The following CTNND2 variants were observed in gnomAD, a reference collection of about 807,000 sequenced individuals.
CTNND2 encodes catenin delta-2.
CTNND2 carries 22 observed loss-of-function variants against 144.4 expected under a neutral mutation model. That is an observed-to-expected ratio of 0.15 (90% CI 0.11 to 0.22). The LOEUF (loss-of-function observed/expected upper bound fraction) is 0.22. CTNND2 is among the 10% of genes least tolerant of loss of function. The pLI is 1.00. For missense variants in CTNND2, 1,353 were observed against 1,618.8 expected (o/e 0.84, Z 2.82); for synonymous variants, 751 against 695.6 (o/e 1.08, Z -1.25).
At chr5:11,656,518 T>C (rs1386780577) in intron 2 of CTNND2, among the ~76,000 whole-genome samples, 4 of 152,086 alleles carry the variant, frequency 2.6e-5, no homozygotes, top group Non-Finnish European at 4.4e-5. Context: ...AGATTCTCTC[T>C]GTCAGTCACG....
intron 2 of CTNND2, among the ~76,000 whole-genome samples, chr5:11,579,947 C>T (rs1469282194): frequency 6.6e-6 from 1 of 152,166 alleles, no homozygotes; most frequent in Admixed American, 6.5e-5. Flanking sequence ...TTTTCCCAAA[C>T]AATTTTCCCT....
intron 9 of CTNND2, among the ~76,000 whole-genome samples, chr5:11,292,458 T>C (rs1188034103): frequency 7.2e-6 from 1 of 137,950 alleles, no homozygotes; most frequent in African/African-American, 2.6e-5. Context: ...ATAATCCCCA[T>C]GTGTGGAGGG....
At chr5:11,269,405 T>G (rs954162943) in intron 9 of CTNND2, among the ~76,000 whole-genome samples, 4 of 152,166 alleles carry the variant, frequency 2.6e-5, no homozygotes, top group African/African-American at 9.6e-5. Context: ...GAAAATAGTT[T>G]CCTCTGATTT....
At chr5:11,026,393 T>A (rs889835428) in intron 16 of CTNND2, among the ~76,000 whole-genome samples, 5 of 142,420 alleles carry the variant, frequency 3.5e-5, no homozygotes, top group African/African-American at 1.3e-4. Flanking sequence ...AGTCTCACTC[T>A]GTTGTCCAGG....
At chr5:11,679,819 CTG>C (rs1784344828) in intron 2 of CTNND2, among the ~76,000 whole-genome samples, 1 of 152,194 alleles carries the variant, frequency 6.6e-6, no homozygotes, top group African/African-American at 2.4e-5. Flanking sequence ...ACTCATAAAA[CTG>C]AGGAATGACA....
chr5:11,356,693 G>T (rs923524906), intron 8 of CTNND2, among the ~76,000 whole-genome samples: 4 of 151,572 alleles, frequency 2.6e-5, no homozygotes, highest in African/African-American at 9.7e-5. Context: ...AAAAATAGAC[G>T]AATTAATACT....
chr5:11,608,440 C>T (rs917638562), intron 2 of CTNND2, among the ~76,000 whole-genome samples: 1 of 152,166 alleles, frequency 6.6e-6, no homozygotes, highest in African/African-American at 2.4e-5. Flanking sequence ...CATTCCACCA[C>T]TCTCCACCTT....
At chr5:11,443,310 G>T (rs906860061) in intron 3 of CTNND2, among the ~76,000 whole-genome samples, 1 of 90,710 alleles carries the variant, frequency 1.1e-5, no homozygotes, top group Admixed American at 1.4e-4. Context: ...GCATGTGTGT[G>T]GTGTGTGTGC....
In CTNND2 at chr5:11,397,183, T is replaced by C. The variant is rs1466419756; in HGVS notation, c.460A>G (p.Ser154Gly). The C allele has an allele frequency of 6.2e-7, 1 of 1,613,998 alleles. No homozygotes were observed. Among genetic ancestry groups the C allele is most frequent in the Non-Finnish European group, 8.5e-7 (1 of 1,179,966 alleles). ...GGTTTGGAATTGAGCTGAAGTGCACTCTGGGAGAGCAGGCTGGGCCCTGCA... is the reference window on the plus strand; with the variant it reads ...GGTTTGGAATTGAGCTGAAGTGCACCCTGGGAGAGCAGGCTGGGCCCTGCA... ...TGERPSLLSQ[S>G]ALQLNSKPEG... The change falls in exon 6 of 22, where the codon AGT (serine) becomes GGT (glycine). Residue 154 changes from serine (S) to glycine (G), a missense_variant. Transcript: ENST00000304623.
In CTNND2 at chr5:11,176,166, CCTT is replaced by C. The variant is rs1269855335; in HGVS notation, c.1976-16410_1976-16408del. Among the ~76,000 whole-genome samples, 12 of 152,192 alleles carry C rather than the reference CCTT, an allele frequency of 7.9e-5. No homozygotes were observed. In the East Asian group the frequency reaches 1.5e-3, roughly 20 times the overall value. On this transcript the variant is annotated intron_variant, in intron 11 of 21. Coordinates refer to ENST00000304623, the MANE Select transcript of CTNND2 (RefSeq NM_001332.4). ...ACTGATGCCCAATATCATTATTTTTCCTTCTTCTTATCATTTTTGTGACCCTTA... is the reference window on the plus strand; with the variant it reads ...ACTGATGCCCAATATCATTATTTTTCCTTCTTATCATTTTTGTGACCCTTA...
intron 2 of CTNND2, among the ~76,000 whole-genome samples, chr5:11,613,625 C>T (rs547855812): frequency 6.6e-5 from 10 of 152,296 alleles, no homozygotes; most frequent in East Asian, 1.9e-4. Context: ...CTGAATTAAA[C>T]GCTGGTGTGG....
intron 1 of CTNND2, among the ~76,000 whole-genome samples, chr5:11,848,638 C>G (rs548748481): frequency 1.3e-5 from 2 of 152,250 alleles, no homozygotes; most frequent in African/African-American, 4.8e-5. Flanking sequence ...ATGTCCTAAG[C>G]CTGTATCATG....
chr5:11,164,853 T>C (rs913592728), intron 11 of CTNND2, among the ~76,000 whole-genome samples: 2 of 152,222 alleles, frequency 1.3e-5, no homozygotes, highest in African/African-American at 4.8e-5. Flanking sequence ...ATTTGATCAC[T>C]GTTCCATCCT....
At chr5:11,314,554 T>TG (rs1429726691) in intron 9 of CTNND2, among the ~76,000 whole-genome samples, 3 of 152,134 alleles carry the variant, frequency 2.0e-5, no homozygotes, top group Admixed American at 6.6e-5. Flanking sequence ...TTTGTAGAGA[T>TG]GGGGGTCTCT....
chr5:11,034,762 C>CT (rs200155134), intron 16 of CTNND2, among the ~76,000 whole-genome samples: 23 of 144,676 alleles, frequency 1.6e-4, no homozygotes, highest in East Asian at 1.0e-3. Context: ...TAGTTTTCTT[C>CT]TTTTTTTTTT....
At chr5:11,295,492 T>C (rs1349390613) in intron 9 of CTNND2, among the ~76,000 whole-genome samples, 1 of 152,186 alleles carries the variant, frequency 6.6e-6, no homozygotes, top group Non-Finnish European at 1.5e-5. Context: ...CTTTAAAGTT[T>C]GTATGGAACC....
At chr5:11,531,487 ATGG>A (rs1205513936) in intron 3 of CTNND2, among the ~76,000 whole-genome samples, 6 of 152,116 alleles carry the variant, frequency 3.9e-5, no homozygotes, top group Non-Finnish European at 7.4e-5. Context: ...TTACCCGTGC[ATGG>A]TGGCAGGCAC....
intron 2 of CTNND2, among the ~76,000 whole-genome samples, chr5:11,567,351 G>A (rs1178707480): frequency 6.6e-6 from 1 of 151,760 alleles, no homozygotes; most frequent in Non-Finnish European, 1.5e-5. Context: ...CTTATGCCTG[G>A]GTTATTCAGC....
At chr5:11,713,672 C>G (rs1179187512) in intron 2 of CTNND2, among the ~76,000 whole-genome samples, 1 of 150,518 alleles carries the variant, frequency 6.6e-6, no homozygotes, top group South Asian at 2.1e-4. Flanking sequence ...GAGGATAAGA[C>G]TTCTGCAACA....
Sources: allele counts gnomAD v4.1 joint callset (sites outside exome capture counted in the v4.1 genomes callset), GRCh38; gene constraint gnomAD v4.1.1; transcripts MANE v1.5; gene names NCBI Gene and HGNC (gene_info 2026-07-23, HGNC 2026-07-21).